Variants in GCNT3 observed in about 807,000 individuals in gnomAD.
GCNT3 encodes glucosaminyl (N-acetyl) transferase 3, mucin type, also known as beta-1,3-galactosyl-O-glycosyl-glycoprotein beta-1,6-N-acetylglucosaminyltransferase 3.
For synonymous variants in GCNT3, 269 were observed against 195.2 expected (o/e 1.38, Z -3.15); for missense variants, 708 against 530.3 (o/e 1.34, Z -3.29).
At chr15:59,613,612 G>C (rs1414630224) in intron 1 of GCNT3, among the ~76,000 whole-genome samples, 1 of 152,080 alleles carries the variant, frequency 6.6e-6, no homozygotes, top group Non-Finnish European at 1.5e-5. Flanking sequence ...TGTAATCTCA[G>C]CTACTCAGGA....
rs1566905196 is a variant in GCNT3, at chr15:59,614,727, C to A, written c.-250-1965C>A. On this transcript the variant is annotated intron_variant, in intron 1 of 2. Transcript: ENST00000396065. ...TCAGCAAGATTGTTATGACCTGTATCTTGGGCCTATCTCCTCTATCTCATC... is the reference window on the plus strand; with the variant it reads ...TCAGCAAGATTGTTATGACCTGTATATTGGGCCTATCTCCTCTATCTCATC... Among the ~76,000 whole-genome samples, 3 of 152,168 alleles carry A rather than the reference C, an allele frequency of 2.0e-5. No homozygotes were observed. In the South Asian group the frequency reaches 6.2e-4, roughly 32 times the overall value.
rs758332863 is a variant in GCNT3 at position 59,613,573 on chromosome 15, T to TAA, written c.-251+1594_-251+1595dup. On this transcript the variant is annotated intron_variant, in intron 1 of 2. Coordinates refer to ENST00000396065, the MANE Select transcript of GCNT3 (RefSeq NM_004751.3). ...ATAAATAAATAAATAAATAAATAAA[T>TAA]AAATAAAAATAAAAATAAATCAGCT... Among the ~76,000 whole-genome samples, 745 of 132,362 alleles carry TAA rather than the reference T, an allele frequency of 5.6e-3. 2 individuals carry two copies. The highest frequency in any genetic ancestry group is 8.4e-3 in the Non-Finnish European group (518 of 61,966). The allele number at this position is 132,362 out of a possible 152,430, so 86.8% of individuals were successfully genotyped here. A position where few individuals can be genotyped will look rare whatever the true frequency, so the allele number is the denominator to read the frequency against.
At position 59,619,050 on chromosome 15, in the gene GCNT3, T is replaced by C; in HGVS notation, c.812T>C (p.Val271Ala). The change falls in exon 3 of 3, where the codon GTA becomes GCA. Residue 271 changes from valine to alanine, a missense_variant. Val to Ala is a moderately conservative substitution (Grantham distance 64). Transcript: ENST00000396065. The part of the protein sequence containing the change: ...KETRWKYHFE[V>A]VRDTLHLTNK... ...ACCCGCTGGAAATATCACTTTGAGGTAGTGAGAGACACATTACACCTAACC... is the reference window on the plus strand; with the variant it reads ...ACCCGCTGGAAATATCACTTTGAGGCAGTGAGAGACACATTACACCTAACC... The C allele has an allele frequency of 1.9e-6, 3 of 1,613,970 alleles. No homozygotes were observed. Among genetic ancestry groups the C allele is most frequent in the African/African-American group, 1.3e-5 (1 of 74,970 alleles).
intron 1 of GCNT3, chr15:59,616,323 T>C (rs2082719572): frequency 6.6e-6 from 1 of 152,184 alleles, no homozygotes; most frequent in African/African-American, 2.4e-5. Context: ...TTGAAGAGTA[T>C]TTTTATTCCC....
Position 59,619,554 on chromosome 15 carries a change from G to C in GCNT3, c.1316G>C (p.Ter439SerextTer4). 1 of 1,555,942 alleles carries C rather than the reference G, an allele frequency of 6.4e-7. No individual in the cohort carries two copies. The highest frequency in any genetic ancestry group is 2.2e-5 in the East Asian group (1 of 44,460). Residue 439 changes from the stop codon to serine, a stop_lost, in exon 3 of 3, where the codon TGA becomes TCA. Coordinates refer to ENST00000396065, the MANE Select transcript of GCNT3 (RefSeq NM_004751.3). ...AAGGCCATCTATGGGACTGAACTTTGAGACACACTATGAGAGCGTTGCTAC... is the reference window on the plus strand; with the variant it reads ...AAGGCCATCTATGGGACTGAACTTTCAGACACACTATGAGAGCGTTGCTAC... ...RYKAIYGTEL[*>S]
At position 59,621,592 on chromosome 15, in the gene GCNT3, G is replaced by GTTTTTTTTTTTTTTTTT. The variant is rs71119496; in HGVS notation, c.*2038_*2054dup. 8.4e-6 allele frequency: 1 copy of GTTTTTTTTTTTTTTTTT among 118,826 alleles called. No individual in the cohort carries two copies. Among genetic ancestry groups the GTTTTTTTTTTTTTTTTT allele is most frequent in the Non-Finnish European group, 1.6e-5 (1 of 62,212 alleles). 7.4% of individuals were successfully genotyped at this position (118,826 alleles called of 1,614,324 possible). ...ATATGTTTCTTCCTTTCTGATTTTT[G>GTTTTTTTTTTTTTTTTT]TTTTTTTTTTTTTTTTTGAGACAGA... On this transcript the variant is annotated 3_prime_UTR_variant, in exon 3 of 3. Transcript: ENST00000396065.
In GCNT3 at chr15:59,618,666, T is replaced by C. The variant is rs762250026; in HGVS notation, c.428T>C (p.Ile143Thr). 14 of 1,614,006 alleles carry C rather than the reference T, an allele frequency of 8.7e-6. No homozygotes were observed. The highest frequency in any genetic ancestry group is 2.2e-5 in the South Asian group (2 of 91,078). Residue 143 changes from isoleucine to threonine, a missense_variant, in exon 3 of 3, where the codon ATT becomes ACT. Transcript: ENST00000396065. The stretch of plus-strand genomic sequence containing the variant: ...TACTCTATGGTGATTCATGAGAAGA[T>C]TGAAAACTTTGAAAGGCTACTGCGA... ...IAYSMVIHEK[I>T]ENFERLLRAV... is the part of the protein sequence containing the mutation.
chr15:59,619,306 C>T lies in GCNT3; in HGVS notation c.1068C>T (p.Asp356=), dbSNP rs748099476. 1.2e-6 allele frequency: 2 copies of T among 1,614,156 alleles called. No homozygotes were observed. Among genetic ancestry groups the T allele is most frequent in the South Asian group, 1.1e-5 (1 of 91,086 alleles). The part of the protein sequence containing the change: ...VPNHPKYDIS[D]MTSIARLVKW... ...ACCACCCCAAGTACGACATCTCAGA[C>T]ATGACTTCTATTGCCAGGCTGGTCA... The change falls in exon 3 of 3, where the codon GAC becomes GAT. Residue 356 remains aspartate, a synonymous_variant. Coordinates refer to ENST00000396065, the MANE Select transcript of GCNT3 (RefSeq NM_004751.3).
At chr15:59,615,223 G>A (rs1245516183) in intron 1 of GCNT3, 1 of 152,182 alleles carries the variant, frequency 6.6e-6, no homozygotes, top group African/African-American at 2.4e-5. Context: ...GCATCACCAT[G>A]TCAACGCCTA....
chr15:59,612,275 G>A (rs148002097), intron 1 of GCNT3, among the ~76,000 whole-genome samples: 1 of 152,322 alleles, frequency 6.6e-6, no homozygotes, highest in Non-Finnish European at 1.5e-5. Context: ...TTGGCCCATA[G>A]GAAGCCTGAA....
At chr15:59,612,630 G>T (rs1225425914) in intron 1 of GCNT3, among the ~76,000 whole-genome samples, 1 of 152,130 alleles carries the variant, frequency 6.6e-6, no homozygotes, top group Non-Finnish European at 1.5e-5. Flanking sequence ...AGGCAGTCTG[G>T]GACTGCGCCC....
At position 59,616,862 on chromosome 15, in the gene GCNT3, C is replaced by T. The variant is rs1031008274; in HGVS notation, c.-80C>T. On this transcript the variant is annotated 5_prime_UTR_variant, in exon 2 of 3. Transcript: ENST00000396065. ...GCCTTGTGAAGAGATCATCCCTAAG[C>T]AGGAGAGAAGCTACTAAAGGTGAGA... The T allele has an allele frequency of 2.6e-5, 4 of 152,160 alleles. No individual in the cohort carries two copies. Among genetic ancestry groups the T allele is most frequent in the Admixed American group, 1.3e-4 (2 of 15,280 alleles). 9.4% of individuals were successfully genotyped at this position (152,160 alleles called of 1,614,324 possible). A position where few individuals can be genotyped will look rare whatever the true frequency, so the allele number is the denominator to read the frequency against.
In GCNT3 at chr15:59,619,281, A is replaced by T. The variant is rs187629248; in HGVS notation, c.1043A>T (p.Asn348Ile). ...CGGTGGATGCCTGGCTCTGTTCCCA[A>T]CCACCCCAAGTACGACATCTCAGAC... ...RARWMPGSVP[N>I]HPKYDISDMT... The change falls in exon 3 of 3, where the codon AAC becomes ATC. Residue 348 changes from asparagine to isoleucine, a missense_variant. Transcript: ENST00000396065. The T allele has an allele frequency of 9.9e-6, 16 of 1,613,978 alleles. No homozygotes were observed. The East Asian group carries it at 3.3e-4, about 34-fold the overall frequency.
chr15:59,619,456 C>G lies in GCNT3; in HGVS notation c.1218C>G (p.His406Gln). 6.2e-7 allele frequency: 1 copy of G among 1,614,088 alleles called. No homozygotes were observed. Among genetic ancestry groups the G allele is most frequent in the Non-Finnish European group, 8.5e-7 (1 of 1,179,984 alleles). ...GDLNWMLQNHHLLANKFDPKV... is the reference protein window; with the variant it reads ...GDLNWMLQNHQLLANKFDPKV... ...TGAATTGGATGCTTCAAAACCATCACCTGTTGGCCAACAAGTTTGACCCAA... is the reference window on the plus strand; with the variant it reads ...TGAATTGGATGCTTCAAAACCATCAGCTGTTGGCCAACAAGTTTGACCCAA... Residue 406 changes from histidine to glutamine, a missense_variant, in exon 3 of 3, where the codon CAC (histidine) becomes CAG (glutamine). Coordinates refer to ENST00000396065, the MANE Select transcript of GCNT3 (RefSeq NM_004751.3).
At position 59,611,893 on chromosome 15, in the gene GCNT3, T is replaced by C. The variant is rs554330489; in HGVS notation, c.-339T>C. 15 of 152,318 alleles carry C rather than the reference T, an allele frequency of 9.8e-5. No homozygotes were observed. Among genetic ancestry groups the C allele is most frequent in the African/African-American group, 3.6e-4 (15 of 41,558 alleles). The allele number at this position is 152,318 out of a possible 1,614,324, so 9.4% of individuals were successfully genotyped here. A position where few individuals can be genotyped will look rare whatever the true frequency, so the allele number is the denominator to read the frequency against. On this transcript the variant is annotated 5_prime_UTR_variant, in exon 1 of 3. Transcript: ENST00000396065. ...AGCCCTGGGATTCTGCTAATACCTA[T>C]CACTGTAGGTGCTGAAGGGAAACAG... is the stretch of plus-strand genomic sequence containing the variant.
rs1284531833 is a variant in GCNT3 at position 59,622,211 on chromosome 15, G to C, written c.*2656G>C. 1 of 151,950 alleles carries C rather than the reference G, an allele frequency of 6.6e-6. No homozygotes were observed. The highest frequency in any genetic ancestry group is 2.4e-5 in the African/African-American group (1 of 41,328). The allele number at this position is 151,950 out of a possible 1,614,324, so 9.4% of individuals were successfully genotyped here. ...ACCTGTAATCCCAGCTACTTGGGAG[G>C]CTGAGGCAGGAGAATCGCTTGAACA... On this transcript the variant is annotated 3_prime_UTR_variant, in exon 3 of 3. Coordinates refer to ENST00000396065, the MANE Select transcript of GCNT3 (RefSeq NM_004751.3).
At chr15:59,616,300 AAAAG>A (rs1239839081) in intron 1 of GCNT3, 1 of 152,222 alleles carries the variant, frequency 6.6e-6, no homozygotes, top group Non-Finnish European at 1.5e-5. Context: ...GTAAAATAAC[AAAAG>A]AAAAATCCTT....
intron 1 of GCNT3, among the ~76,000 whole-genome samples, chr15:59,613,516 C>A (rs968093264): frequency 6.7e-6 from 1 of 148,550 alleles, no homozygotes; most frequent in African/African-American, 2.5e-5. Context: ...GCCAGGGGAA[C>A]AGCAAACTCC....
chr15:59,613,449 C>T (rs1343578270), intron 1 of GCNT3, among the ~76,000 whole-genome samples: 1 of 151,648 alleles, frequency 6.6e-6, no homozygotes, highest in East Asian at 1.9e-4. Flanking sequence ...ACCTGTAATC[C>T]TAGCATTTTG....
Sources: gnomAD v4.1 joint callset for allele counts (sites outside exome capture counted in the v4.1 genomes callset) on GRCh38, gnomAD v4.1.1 for gene constraint, MANE v1.5 for transcripts, NCBI Gene and HGNC (gene_info 2026-07-23, HGNC 2026-07-21) for gene names.